The following POLR3F variants were observed in gnomAD, a reference collection of about 807,000 sequenced individuals.
POLR3F encodes DNA-directed RNA polymerase III subunit RPC6.
POLR3F carries 31 observed loss-of-function variants against 43.6 expected under a neutral mutation model. The ratio of observed to expected loss-of-function variants is 0.71; its 90% CI spans 0.53 to 0.96. The LOEUF (loss-of-function observed/expected upper bound fraction) is 0.96. Ranked by LOEUF, POLR3F falls within the 40% of genes least tolerant of loss-of-function variation. The pLI, the probability that POLR3F is intolerant of heterozygous loss-of-function variation, is 0.00. For missense variants in POLR3F, 316 were observed against 391.7 expected, an observed-to-expected ratio of 0.81 and a Z score of 1.63; for synonymous variants, 114 against 132.5, an observed-to-expected ratio of 0.86 and a Z score of 0.96.
chr20:18,480,108 A>G lies in POLR3F; in HGVS notation c.500A>G (p.Tyr167Cys). 6.2e-7 allele frequency: 1 copy of G among 1,608,830 alleles called. No homozygotes were observed. The highest frequency in any genetic ancestry group is 2.2e-5 in the East Asian group (1 of 44,860). The change falls in exon 6 of 9, where the codon TAC (tyrosine) becomes TGC (cysteine). Residue 167 changes from tyrosine to cysteine, a missense_variant. Coordinates refer to ENST00000377603, the MANE Select transcript of POLR3F (RefSeq NM_006466.4). ...PDRSVTGGAW[Y>C]SDQDFESEFV... ...CGGTCTGTGACTGGTGGAGCCTGGT[A>G]CAGTGACCAGGATTTTGAATCTGAA...
chr20:18,471,547 T>C (rs2059751118), intron 2 of POLR3F, among the ~76,000 whole-genome samples: 1 of 152,222 alleles, frequency 6.6e-6, no homozygotes, highest in African/African-American at 2.4e-5. Context: ...TCAGTAAATA[T>C]TCATAAGCTG....
intron 7 of POLR3F, 51 bp downstream of exon 7, chr20:18,480,560 C>A: frequency 2.0e-6 from 2 of 1,009,412 alleles, no homozygotes; most frequent in East Asian, 2.5e-5. Flanking sequence ...TTGTCACATA[C>A]AATGTATTCC....
rs2059811735 is a variant in POLR3F, at chr20:18,481,819, A to C, written c.873+9A>C. ...CCTGTGGACTCTGCCCGGTGAGTTA[A>C]AGTGGCTTCACTTTACACTTGACTG... On this transcript the variant is annotated intron_variant, in intron 8 of 8. Transcript: ENST00000377603. 1 of 1,595,680 alleles carries C rather than the reference A, an allele frequency of 6.3e-7. No individual in the cohort carries two copies. Among genetic ancestry groups the C allele is most frequent in the Admixed American group, 1.7e-5 (1 of 59,418 alleles).
At chr20:18,478,279 A>G (rs2059790792) in intron 5 of POLR3F, among the ~76,000 whole-genome samples, 1 of 151,790 alleles carries the variant, frequency 6.6e-6, no homozygotes, top group Admixed American at 6.6e-5. Context: ...GCAGTGGCAC[A>G]ATCACAGCTC....
chr20:18,481,905 C>T, intron 8 of POLR3F, 95 bp downstream of exon 8: 2 of 742,558 alleles, frequency 2.7e-6, no homozygotes, highest in Non-Finnish European at 4.6e-6. Flanking sequence ...TTCTCAGACT[C>T]TTAGGGTTGA....
At chr20:18,482,075 A>G (rs6111984) in intron 8 of POLR3F, among the ~76,000 whole-genome samples, 123,566 of 148,818 alleles carry the variant, frequency 0.83, 51,395 homozygotes, top group South Asian at 0.91. Context: ...GCAACCTCCA[A>G]CTCCCGGGTT....
intron 2 of POLR3F, among the ~76,000 whole-genome samples, chr20:18,470,337 A>G (rs2059742605): frequency 6.6e-6 from 1 of 152,174 alleles, no homozygotes; most frequent in Non-Finnish European, 1.5e-5. Flanking sequence ...CTAGCTCAGG[A>G]GTTGGCAAAC....
intron 5 of POLR3F, among the ~76,000 whole-genome samples, chr20:18,476,992 T>C (rs553912836): frequency 8.6e-5 from 13 of 151,434 alleles, no homozygotes; most frequent in Non-Finnish European, 1.9e-4. Flanking sequence ...GAGAATTGCT[T>C]GAACCCAGGA....
chr20:18,484,049 A>G lies in POLR3F; in HGVS notation c.*491A>G, dbSNP rs975095016. 2 of 398,488 alleles carry G rather than the reference A, an allele frequency of 5.0e-6. No individual in the cohort carries two copies. The highest frequency in any genetic ancestry group is 8.8e-6 in the Non-Finnish European group (2 of 226,086). The allele number at this position is 398,488 out of a possible 1,614,324, so 24.7% of individuals were successfully genotyped here. On this transcript the variant is annotated 3_prime_UTR_variant, in exon 9 of 9. Transcript: ENST00000377603. The stretch of plus-strand genomic sequence containing the variant: ...AGAAGGGGTTAAAGGCAGGAATAGC[A>G]AAGAGTGCAAACTTGGGGTATGACT...
At chr20:18,475,233 A>T in intron 5 of POLR3F, 46 bp downstream of exon 5, 1 of 738,800 alleles carries the variant, frequency 1.4e-6, no homozygotes, top group Non-Finnish European at 2.4e-6. Flanking sequence ...TGTTGCTTCA[A>T]GTTTTTATTC....
chr20:18,471,021 A>G (rs1382558677), intron 2 of POLR3F, among the ~76,000 whole-genome samples: 1 of 152,098 alleles, frequency 6.6e-6, no homozygotes, highest in Non-Finnish European at 1.5e-5. Flanking sequence ...TTGGGATTAC[A>G]GTCATGAGCC....
intron 2 of POLR3F, chr20:18,469,433 C>T (rs1032479756): frequency 2.3e-5 from 4 of 175,978 alleles, no homozygotes; most frequent in Middle Eastern, 2.5e-3. Context: ...CTGGTATCTA[C>T]ACCATCAGCT....
intron 7 of POLR3F, 84 bp downstream of exon 7, chr20:18,480,593 G>GTTT: frequency 1.8e-6 from 1 of 567,440 alleles, no homozygotes; most frequent in African/African-American, 1.9e-5. Flanking sequence ...GACCCACATT[G>GTTT]TTTTTTTTTT....
chr20:18,469,005 A>G lies in POLR3F; in HGVS notation c.124A>G (p.Met42Val). The change falls in exon 2 of 9, where the codon ATG becomes GTG. Residue 42 changes from methionine (M) to valine (V), a missense_variant. Met to Val is a conservative substitution (Grantham distance 21). Around this residue, in one of 3 missense-constraint regions of POLR3F, gnomAD observed 122 missense variants for 133.8 expected, o/e 0.91. Transcript: ENST00000377603. ...CACAGACCAAGTAATTCAGAATGAA[A>G]TGCCTCATATAGAAGCCCAGCAGCG... Reference protein sequence around the residue: ...GITDQVIQNEMPHIEAQQRAV... With the variant: ...GITDQVIQNEVPHIEAQQRAV... 6.2e-7 allele frequency: 1 copy of G among 1,600,620 alleles called. No individual in the cohort carries two copies. Among genetic ancestry groups the G allele is most frequent in the Non-Finnish European group, 8.6e-7 (1 of 1,167,646 alleles).
At position 18,472,867 on chromosome 20, in the gene POLR3F, A is replaced by G. The variant is rs907922652; in HGVS notation, c.206A>G (p.Asn69Ser). 5 of 1,515,122 alleles carry G rather than the reference A, an allele frequency of 3.3e-6. No homozygotes were observed. In the African/African-American group the frequency reaches 5.5e-5, roughly 17 times the overall value. The allele number at this position is 1,515,122 out of a possible 1,614,324, so 93.9% of individuals were successfully genotyped here. Reference protein sequence around the residue: ...SMGQLDLLRSNTGLLYRIKDS... With the variant: ...SMGQLDLLRSSTGLLYRIKDS... ...GGTCAGTTGGATCTCTTAAGGAGCA[A>G]TACGGGCCTTTTATATAGAATAAAG... Residue 69 changes from asparagine (N) to serine (S), a missense_variant, in exon 3 of 9, where the codon AAT becomes AGT. Coordinates refer to ENST00000377603, the MANE Select transcript of POLR3F (RefSeq NM_006466.4).
Position 18,483,473 on chromosome 20 carries a change from T to C in POLR3F, c.874-8T>C, listed in dbSNP as rs1437859059. 10 of 1,391,578 alleles carry C rather than the reference T, an allele frequency of 7.2e-6. No individual in the cohort carries two copies. Among genetic ancestry groups the C allele is most frequent in the Non-Finnish European group, 1.0e-5 (10 of 1,003,824 alleles). 86.2% of individuals were successfully genotyped at this position (1,391,578 alleles called of 1,614,324 possible). A position where few individuals can be genotyped will look rare whatever the true frequency, so the allele number is the denominator to read the frequency against. On this transcript the variant is annotated splice_region_variant and splice_polypyrimidine_tract_variant and intron_variant, in intron 8 of 8. Transcript: ENST00000377603. ...AATTTGAATATAATTTTTTTTTCTT[T>C]TTTAAAGGTTTTTGATGACTGCCAC...
At chr20:18,473,654 C>G (rs1400475917) in intron 4 of POLR3F, among the ~76,000 whole-genome samples, 196 bp downstream of exon 4, 1 of 152,090 alleles carries the variant, frequency 6.6e-6, no homozygotes, top group Non-Finnish European at 1.5e-5. Context: ...GAGACAAGAA[C>G]TAAAGGGCTG....
At chr20:18,468,055 C>T (rs778311605) in intron 1 of POLR3F, among the ~76,000 whole-genome samples, 11 of 152,078 alleles carry the variant, frequency 7.2e-5, no homozygotes, top group Non-Finnish European at 1.3e-4. Flanking sequence ...TTTTAGGACA[C>T]CCAAAGCCTC....
At chr20:18,471,212 G>A (rs929034766) in intron 2 of POLR3F, among the ~76,000 whole-genome samples, 3 of 152,220 alleles carry the variant, frequency 2.0e-5, no homozygotes, top group African/African-American at 7.2e-5. Flanking sequence ...AGGAGGAGCA[G>A]ATTGTTTTTG....
Sources: gnomAD v4.1 joint callset for allele counts (sites outside exome capture counted in the v4.1 genomes callset) on GRCh38, gnomAD v4.1.1 for gene constraint, gnomAD v4.1.1 regional missense constraint, MANE v1.5 for transcripts, NCBI Gene and HGNC (gene_info 2026-07-23, HGNC 2026-07-21) for gene names.